The following MYO5B variants were observed in gnomAD, a reference collection of about 807,000 sequenced individuals.
The protein encoded by MYO5B is unconventional myosin-Vb.
MYO5B carries 143 observed loss-of-function variants against 229.3 expected under a neutral mutation model. That is an observed-to-expected ratio of 0.62 (90% CI 0.54 to 0.72). The LOEUF is 0.72. Ranked by LOEUF, MYO5B falls within the 30% of genes least tolerant of loss-of-function variation. MYO5B has a pLI of 0.00. For missense variants in MYO5B, 2,321 were observed against 2,331.0 expected (o/e 1.00, Z 0.09); for synonymous variants, 918 against 885.2 (o/e 1.04, Z -0.66).
At chr18:50,003,893 A>C (rs1425163754) in intron 4 of MYO5B, among the ~76,000 whole-genome samples, 1 of 152,192 alleles carries the variant, frequency 6.6e-6, no homozygotes, top group Non-Finnish European at 1.5e-5. Flanking sequence ...GTCAGGAGGA[A>C]ATGAATCCCA....
chr18:49,848,282 T>G (rs1436575933), intron 32 of MYO5B, among the ~76,000 whole-genome samples: 1 of 148,084 alleles, frequency 6.8e-6, no homozygotes, highest in South Asian at 2.2e-4. Flanking sequence ...ACGGAGGAGG[T>G]GGGATGAAGG....
intron 1 of MYO5B, among the ~76,000 whole-genome samples, chr18:50,098,397 C>T (rs1169059605): frequency 6.6e-6 from 1 of 152,142 alleles, no homozygotes; most frequent in Non-Finnish European, 1.5e-5. Flanking sequence ...GAAGTTATAA[C>T]ATTCATATTA....
intron 17 of MYO5B, among the ~76,000 whole-genome samples, chr18:49,917,000 T>A (rs1011488306): frequency 2.6e-5 from 4 of 152,192 alleles, no homozygotes; most frequent in African/African-American, 9.7e-5. Flanking sequence ...TTCACTGCAA[T>A]CACCTAAAGC....
intron 22 of MYO5B, among the ~76,000 whole-genome samples, chr18:49,880,797 C>T (rs2024578121): frequency 6.6e-6 from 1 of 152,232 alleles, no homozygotes; most frequent in South Asian, 2.1e-4. Context: ...CAGCATTCCA[C>T]TGAGGCTACA....
At chr18:49,919,427 A>C (rs1241604858) in intron 17 of MYO5B, among the ~76,000 whole-genome samples, 1 of 152,232 alleles carries the variant, frequency 6.6e-6, no homozygotes, top group Non-Finnish European at 1.5e-5. Context: ...ATGTCTTATA[A>C]GGTTCTCATA....
At position 49,878,936 on chromosome 18, in the gene MYO5B, C is replaced by G. The variant is rs555853191; in HGVS notation, c.3276+9G>C. On this transcript the variant is annotated intron_variant, in intron 24 of 39. Transcript: ENST00000285039. Reference sequence around the variant, plus strand: ...CTGTGCCATGGCACAGCAGAAGCACCCCCCTTGCCTTTATGATGGTCATTT... The same window carrying G: ...CTGTGCCATGGCACAGCAGAAGCACGCCCCTTGCCTTTATGATGGTCATTT... The G allele has an allele frequency of 1.1e-5, 18 of 1,613,952 alleles. No individual in the cohort carries two copies. The highest frequency in any genetic ancestry group is 1.7e-5 in the Admixed American group (1 of 59,994).
rs538186838 is a variant in MYO5B, at chr18:50,116,981, G to A, written c.28-61603C>T. Among the ~76,000 whole-genome samples, 33 of 152,236 alleles carry A rather than the reference G, an allele frequency of 2.2e-4. 1 individual carries two copies. The South Asian group carries it at 6.8e-3, about 32-fold the overall frequency. ...CCAACTTTTTTGACAATGACACACT[G>A]TCACAGCACATAAGTACTATTAAGT... On this transcript the variant is annotated intron_variant, in intron 1 of 39. Coordinates refer to ENST00000285039, the MANE Select transcript of MYO5B (RefSeq NM_001080467.3).
intron 26 of MYO5B, 73 bp downstream of exon 26, chr18:49,875,614 T>G: frequency 3.4e-5 from 55 of 1,598,978 alleles, no homozygotes; most frequent in Middle Eastern, 1.7e-4. Flanking sequence ...ACATGCCACA[T>G]GAGCCCTGGA....
intron 1 of MYO5B, among the ~76,000 whole-genome samples, chr18:50,131,536 A>G (rs896949398): frequency 1.3e-5 from 2 of 152,246 alleles, no homozygotes; most frequent in Non-Finnish European, 2.9e-5. Context: ...ATTGGCCACA[A>G]GCATTTCAAT....
rs1247377541 is a variant in MYO5B at position 49,823,034 on chromosome 18, C to A, written c.*3437G>T. ...CCTTCATCTAAATGTCAGTTGGTGGCAAAATGTTATATTCAAATCTGGATT... is the reference window on the plus strand; with the variant it reads ...CCTTCATCTAAATGTCAGTTGGTGGAAAAATGTTATATTCAAATCTGGATT... On this transcript the variant is annotated 3_prime_UTR_variant, in exon 40 of 40. Coordinates refer to ENST00000285039, the MANE Select transcript of MYO5B (RefSeq NM_001080467.3). 5.9e-5 allele frequency: 9 copies of A among 152,130 alleles called. No individual in the cohort carries two copies. Among genetic ancestry groups the A allele is most frequent in the African/African-American group, 2.2e-4 (9 of 41,434 alleles). 9.4% of individuals were successfully genotyped at this position (152,130 alleles called of 1,614,324 possible). A position where few individuals can be genotyped will look rare whatever the true frequency, so the allele number is the denominator to read the frequency against.
intron 4 of MYO5B, among the ~76,000 whole-genome samples, chr18:50,008,531 G>A (rs1432667522): frequency 3.3e-5 from 5 of 152,212 alleles, no homozygotes; most frequent in Non-Finnish European, 5.9e-5. Flanking sequence ...CCCACAGGAA[G>A]GGGACTGACT....
chr18:49,859,191 C>A (rs2024299289), intron 29 of MYO5B, among the ~76,000 whole-genome samples: 1 of 152,222 alleles, frequency 6.6e-6, no homozygotes, highest in African/African-American at 2.4e-5. Context: ...ACCTCCACGC[C>A]CTGGGCCTCT....
At chr18:49,947,571 G>A (rs2025388511) in intron 14 of MYO5B, among the ~76,000 whole-genome samples, 1 of 152,204 alleles carries the variant, frequency 6.6e-6, no homozygotes, top group Non-Finnish European at 1.5e-5. Flanking sequence ...CAGGGCAATT[G>A]ACAAACTCCA....
intron 17 of MYO5B, among the ~76,000 whole-genome samples, chr18:49,914,129 A>G (rs571401734): frequency 1.3e-5 from 2 of 152,260 alleles, no homozygotes; most frequent in African/African-American, 4.8e-5. Context: ...TTAACACTTA[A>G]GCCATCCACC....
chr18:49,936,806 C>T (rs893602280), intron 15 of MYO5B, among the ~76,000 whole-genome samples: 7 of 152,150 alleles, frequency 4.6e-5, no homozygotes, highest in Non-Finnish European at 1.0e-4. Flanking sequence ...TGGTGGCTGC[C>T]AGGGACTTGA....
chr18:50,157,175 G>T (rs551467926), intron 1 of MYO5B, among the ~76,000 whole-genome samples: 1 of 151,420 alleles, frequency 6.6e-6, no homozygotes, highest in Non-Finnish European at 1.5e-5. Flanking sequence ...GCGTGATCTC[G>T]GCTCACTGCA....
At chr18:49,865,160 A>G (rs2024381763) in intron 27 of MYO5B, among the ~76,000 whole-genome samples, 1 of 152,202 alleles carries the variant, frequency 6.6e-6, no homozygotes, top group Admixed American at 6.5e-5. Flanking sequence ...CATGTTTGTT[A>G]CAGAGCCATA....
chr18:50,063,949 AGATGG>A (rs2144433717), intron 1 of MYO5B: 1 of 152,582 alleles, frequency 6.6e-6, no homozygotes, highest in East Asian at 1.9e-4. Flanking sequence ...TGAACTGACA[AGATGG>A]GAAGCGTTTG....
intron 4 of MYO5B, among the ~76,000 whole-genome samples, chr18:50,026,128 T>C (rs549311323): frequency 3.0e-4 from 46 of 152,370 alleles, no homozygotes; most frequent in African/African-American, 1.1e-3. Context: ...GATTCACTAC[T>C]GCAAGCACCA....
Sources: allele counts gnomAD v4.1 joint callset (sites outside exome capture counted in the v4.1 genomes callset), GRCh38; gene constraint gnomAD v4.1.1; transcripts MANE v1.5; gene names NCBI Gene and HGNC (gene_info 2026-07-23, HGNC 2026-07-21).